OXTR: variants seen among roughly 807,000 people sequenced by gnomAD.
OXTR encodes oxytocin receptor.
In OXTR, 19 loss-of-function variants were observed where a neutral mutation model predicts 23.9. The ratio of observed to expected loss-of-function variants is 0.80; its 90% confidence interval spans 0.56 to 1.17. OXTR has a LOEUF of 1.17. OXTR is among the 50% of genes most tolerant of loss of function. The pLI is 0.00. For synonymous variants in OXTR, 278 were observed against 250.5 expected (o/e 1.11, Z -1.04); for missense variants, 500 against 550.7 (o/e 0.91, Z 0.92).
chr3:8,752,264 TGA>T lies in OXTR; in HGVS notation c.*711_*712del, dbSNP rs1553615038. On this transcript the variant is annotated 3_prime_UTR_variant, in exon 4 of 4. Transcript: ENST00000316793. The stretch of plus-strand genomic sequence containing the variant: ...GCGTGTGTGTGTGTGTGTGTGTGTG[TGA>T]GTTCCTTAGGATTTTCTATATACAA... 2 of 152,142 alleles carry T rather than the reference TGA, an allele frequency of 1.3e-5. No individual in the cohort carries two copies. The highest frequency in any genetic ancestry group is 4.8e-5 in the African/African-American group (2 of 41,486). The allele number at this position is 152,142 out of a possible 1,614,324, so 9.4% of individuals were successfully genotyped here.
rs1708637358 is a variant in OXTR at position 8,767,431 on chromosome 3, C to T, written c.757G>A (p.Gly253Arg). Residue 253 changes from glycine to arginine, a missense_variant, in exon 3 of 4, where the codon GGG becomes AGG. Transcript: ENST00000316793. ...CTGACACGCGCCAGGGCCACGCGCC[C>T]CCCATCGCCAGCCGCCGCGCCCTCT... is the stretch of plus-strand genomic sequence containing the variant. ...APEGAAAGDG[G>R]RVALARVSSV... 1 of 1,606,370 alleles carries T rather than the reference C, an allele frequency of 6.2e-7. No individual in the cohort carries two copies. Among genetic ancestry groups the T allele is most frequent in the South Asian group, 1.1e-5 (1 of 90,114 alleles).
At position 8,768,176 on chromosome 3, in the gene OXTR, C is replaced by T. The variant is rs1326040556; in HGVS notation, c.12G>A (p.Ala4=). 2.3e-6 allele frequency: 3 copies of T among 1,322,578 alleles called. No individual in the cohort carries two copies. Among genetic ancestry groups the T allele is most frequent in the Middle Eastern group, 2.8e-4 (1 of 3,524 alleles). 81.9% of individuals were successfully genotyped at this position (1,322,578 alleles called of 1,614,324 possible). The change falls in exon 3 of 4, where the codon GCG becomes GCA. Residue 4 remains alanine (A), a synonymous_variant. Coordinates refer to ENST00000316793, the MANE Select transcript of OXTR (RefSeq NM_000916.4). The surrounding 1 kb of genome is among the most constrained non-coding windows in gnomAD (Gnocchi z 5.4). Reference sequence around the variant, plus strand: ...CCTCGGCGCTCCAGTTGGCTGCGAGCGCGCCCTCCATGACCCTGGCGGCAG... The same window carrying T: ...CCTCGGCGCTCCAGTTGGCTGCGAGTGCGCCCTCCATGACCCTGGCGGCAG... MEG[A]LAANWSAEAA...
chr3:8,745,481 C>T (rs80340058), downstream of OXTR: 6,003 of 1,147,046 alleles, frequency 5.2e-3, 199 homozygotes, highest in African/African-American at 0.075. This position sits in a 1 kb window ranked among gnomAD's most constrained non-coding sequence, Gnocchi z 4.8. Context: ...GCTTGAGAAG[C>T]GGGTGGCTTC....
rs1559661024 is a variant in OXTR at position 8,751,034 on chromosome 3, C to G, written c.*1943G>C. Reference sequence around the variant, plus strand: ...TTCTACCAGTTTCTCTACATCCTCACCGACACTCGTTCTTGTCCATCTTTT... The same window carrying G: ...TTCTACCAGTTTCTCTACATCCTCAGCGACACTCGTTCTTGTCCATCTTTT... On this transcript the variant is annotated 3_prime_UTR_variant, in exon 4 of 4. Transcript: ENST00000316793. 1 of 152,198 alleles carries G rather than the reference C, an allele frequency of 6.6e-6. No homozygotes were observed. The highest frequency in any genetic ancestry group is 1.5e-5 in the Non-Finnish European group (1 of 68,040). The allele number at this position is 152,198 out of a possible 1,614,324, so 9.4% of individuals were successfully genotyped here. A position where few individuals can be genotyped will look rare whatever the true frequency, so the allele number is the denominator to read the frequency against.
At chr3:8,758,572 T>C (rs1273692047) in intron 3 of OXTR, among the ~76,000 whole-genome samples, 1 of 152,198 alleles carries the variant, frequency 6.6e-6, no homozygotes, top group Non-Finnish European at 1.5e-5. Flanking sequence ...TTTGAATGTA[T>C]GCTTATAGAA....
intron 3 of OXTR, among the ~76,000 whole-genome samples, chr3:8,757,237 C>CT (rs1708392190): frequency 2.0e-5 from 3 of 151,406 alleles, no homozygotes; most frequent in African/African-American, 7.3e-5. Context: ...TGTAAAAGGG[C>CT]TTTGTGACTG....
chr3:8,759,453 G>C lies in OXTR; in HGVS notation c.923-6229C>G, dbSNP rs1708442657. Among the ~76,000 whole-genome samples the C allele has an allele frequency of 3.3e-5, 5 of 152,200 alleles. No individual in the cohort carries two copies. The South Asian group carries it at 1.0e-3, about 31-fold the overall frequency. On this transcript the variant is annotated intron_variant, in intron 3 of 3. Transcript: ENST00000316793. ...GTCCTTAGGCTGCTAACAGCTACTG[G>C]AAAATAGGAAGAGTTCAATAAGGAG... is the stretch of plus-strand genomic sequence containing the variant.
At position 8,752,916 on chromosome 3, in the gene OXTR, C is replaced by G; in HGVS notation, c.*61G>C. 6 of 1,532,744 alleles carry G rather than the reference C, an allele frequency of 3.9e-6. No homozygotes were observed. The highest frequency in any genetic ancestry group is 5.3e-6 in the Non-Finnish European group (6 of 1,137,602). The allele number at this position is 1,532,744 out of a possible 1,614,324, so 94.9% of individuals were successfully genotyped here. On this transcript the variant is annotated 3_prime_UTR_variant, in exon 4 of 4. Transcript: ENST00000316793. ...ACAAACATACGCCATCACCTAGGAG[C>G]AGAGCACTTATGCCAGCACAGCCTG... is the stretch of plus-strand genomic sequence containing the variant.
intron 3 of OXTR, among the ~76,000 whole-genome samples, chr3:8,760,980 T>C (rs755863078): frequency 6.6e-6 from 1 of 152,184 alleles, no homozygotes; most frequent in Non-Finnish European, 1.5e-5. Context: ...CTTTTGGCAA[T>C]GTCTGGAGAC....
At chr3:8,759,454 A>G (rs1302091430) in intron 3 of OXTR, among the ~76,000 whole-genome samples, 1 of 152,194 alleles carries the variant, frequency 6.6e-6, no homozygotes, top group East Asian at 1.9e-4. Flanking sequence ...CAGCTACTGG[A>G]AAATAGGAAG....
chr3:8,761,154 GA>G (rs1708477532), intron 3 of OXTR, among the ~76,000 whole-genome samples: 1 of 152,178 alleles, frequency 6.6e-6, no homozygotes. Flanking sequence ...TGCCAAAGTT[GA>G]AAAAATCGTG....
chr3:8,748,886 AT>A (rs538909950), downstream of OXTR, among the ~76,000 whole-genome samples: 6 of 151,922 alleles, frequency 3.9e-5, no homozygotes, highest in African/African-American at 9.7e-5. Flanking sequence ...TATGTGTCAG[AT>A]TTTTTTTTCC....
chr3:8,742,377 A>G, the OXTR span: 1 of 350,620 alleles, frequency 2.9e-6, no homozygotes, highest in South Asian at 2.2e-5. Flanking sequence ...AAAAAAAAGA[A>G]GAAGAAGAAG....
chr3:8,745,850 C>G, downstream of OXTR: 1 of 1,612,364 alleles, frequency 6.2e-7, no homozygotes, highest in Non-Finnish European at 8.5e-7. This position sits in a 1 kb window ranked among gnomAD's most constrained non-coding sequence, Gnocchi z 4.8. Flanking sequence ...CAAGGTGGTG[C>G]TGCGGAAGGA....
downstream of OXTR, among the ~76,000 whole-genome samples, chr3:8,747,990 G>T (rs958986912): frequency 6.6e-6 from 1 of 152,316 alleles, no homozygotes; most frequent in African/African-American, 2.4e-5. Flanking sequence ...ATGCATGGGT[G>T]TCCAAGGAGT....
chr3:8,744,683 T>C, the OXTR span, among the ~76,000 whole-genome samples: 42 of 152,256 alleles, frequency 2.8e-4, 2 homozygotes, highest in South Asian at 8.7e-3. Flanking sequence ...AGGTAAGCGA[T>C]GTGAGGAACC....
At chr3:8,745,058 G>T in the OXTR span, 2 of 165,962 alleles carry the variant, frequency 1.2e-5, no homozygotes, top group African/African-American at 4.8e-5. This position sits in a 1 kb window ranked among gnomAD's most constrained non-coding sequence, Gnocchi z 4.8. Context: ...TTGGAGGTGG[G>T]GCCGGGTGGG....
At chr3:8,753,420 C>A (rs941322328) in intron 3 of OXTR, among the ~76,000 whole-genome samples, 196 bp from the exon 4 acceptor site, 1 of 152,202 alleles carries the variant, frequency 6.6e-6, no homozygotes, top group Non-Finnish European at 1.5e-5. Flanking sequence ...TGCCCTCAGG[C>A]TGTCCTCCAA....
At chr3:8,769,003 C>A (rs1708704649) in intron 1 of OXTR, among the ~76,000 whole-genome samples, 1 of 152,240 alleles carries the variant, frequency 6.6e-6, no homozygotes, top group South Asian at 2.1e-4. Flanking sequence ...CGCGGGGCTC[C>A]TCCCCAGCCC....
Sources: allele counts gnomAD v4.1 joint callset (sites outside exome capture counted in the v4.1 genomes callset), GRCh38; gene constraint gnomAD v4.1.1; non-coding constraint Gnocchi (gnomAD v3.1); transcripts MANE v1.5; gene names NCBI Gene and HGNC (gene_info 2026-07-23, HGNC 2026-07-21).